The following CD300A variants were observed in gnomAD, a reference collection of about 807,000 sequenced individuals.
The protein encoded by CD300A is CMRF35-like molecule 8.
Under a neutral mutation model 33.6 loss-of-function variants are expected in CD300A, and 22 were observed. The observed-to-expected ratio is 0.66, with a 90% CI of 0.47 to 0.94. CD300A has a LOEUF of 0.94. Ranked by LOEUF, CD300A falls within the 40% of genes least tolerant of loss-of-function variation. CD300A has a pLI of 0.00. For synonymous variants in CD300A, 136 were observed against 148.1 expected, an observed-to-expected ratio of 0.92 and a Z score of 0.59; for missense variants, 326 against 360.5, an observed-to-expected ratio of 0.90 and a Z score of 0.77.
intron 1 of CD300A, 83 bp from the exon 2 acceptor site, chr17:74,473,453 A>C: frequency 7.5e-7 from 1 of 1,327,596 alleles, no homozygotes; most frequent in Non-Finnish European, 1.0e-6. Flanking sequence ...CCACACCCCC[A>C]GGGTCCATGC....
chr17:74,474,070 G>A (rs1158273428), intron 2 of CD300A, among the ~76,000 whole-genome samples, 196 bp downstream of exon 2: 1 of 152,090 alleles, frequency 6.6e-6, no homozygotes, highest in Non-Finnish European at 1.5e-5. Context: ...AGAAGGGAAG[G>A]GTCCAGTGAC....
intron 1 of CD300A, among the ~76,000 whole-genome samples, chr17:74,470,999 T>C (rs1906063468): frequency 6.6e-6 from 1 of 152,128 alleles, no homozygotes; most frequent in African/African-American, 2.4e-5. Flanking sequence ...CAGGCTGAAG[T>C]GCAGTGATGC....
At chr17:74,479,926 C>CT (rs923162596) in intron 4 of CD300A, among the ~76,000 whole-genome samples, 3 of 152,164 alleles carry the variant, frequency 2.0e-5, no homozygotes, top group Non-Finnish European at 4.4e-5. Context: ...CAGGCCTGTG[C>CT]TGGGCCCTGG....
rs1906257631 is a variant in CD300A, at chr17:74,473,651, AC to A, written c.158del (p.Pro53HisfsTer36). On this transcript the variant is annotated frameshift_variant, in exon 2 of 7. Transcript: ENST00000360141. LOFTEE classifies it high-confidence loss of function. ...RTLNKYWCRP[P>X]QIFLCDKIVE... ...CCCTCAACAAATACTGGTGCAGACC[AC>A]CACAGATTTTCCTATGTGACAAGAT... The A allele has an allele frequency of 6.2e-7, 1 of 1,614,228 alleles. No individual in the cohort carries two copies. Among genetic ancestry groups the A allele is most frequent in the South Asian group, 1.1e-5 (1 of 91,082 alleles).
intron 1 of CD300A, among the ~76,000 whole-genome samples, chr17:74,469,193 A>C (rs1905926889): frequency 6.6e-6 from 1 of 151,880 alleles, no homozygotes; most frequent in African/African-American, 2.4e-5. Flanking sequence ...GAAGGGAAAG[A>C]ATTTCTTAAT....
intron 3 of CD300A, among the ~76,000 whole-genome samples, chr17:74,477,163 C>CT (rs1451709870): frequency 6.6e-6 from 1 of 151,840 alleles, no homozygotes; most frequent in Non-Finnish European, 1.5e-5. Flanking sequence ...GCTCAGGAGT[C>CT]TGAGACCATC....
rs926201174 is a variant in CD300A at position 74,481,474 on chromosome 17, T to A, written c.666+148T>A. The A allele has an allele frequency of 2.3e-5, 17 of 741,020 alleles. No homozygotes were observed. The African/African-American group carries it at 3.0e-4, about 13-fold the overall frequency. The allele number at this position is 741,020 out of a possible 1,614,324, so 45.9% of individuals were successfully genotyped here. A position where few individuals can be genotyped will look rare whatever the true frequency, so the allele number is the denominator to read the frequency against. ...GGACGAATGATGCTGGGAGATGTGG[T>A]CACTAGGTCTTGTTCTGAGTCCTGG... On this transcript the variant is annotated intron_variant, in intron 5 of 6. Coordinates refer to ENST00000360141, the MANE Select transcript of CD300A (RefSeq NM_007261.4).
At chr17:74,466,508 A>G (rs1208039469), upstream of CD300A, 6 of 624,138 alleles carry the variant, frequency 9.6e-6, no homozygotes, top group Non-Finnish European at 1.7e-5. Flanking sequence ...TGCCGTTTCT[A>G]GGGAGTCTTA....
rs1907111586 is a variant in CD300A at position 74,484,280 on chromosome 17, A to G, written c.*154A>G. ...TTTCCCAGGCCATCCCTCTGTTGCC[A>G]TCAGCTTGATTGGCTTCCCCGAGGG... On this transcript the variant is annotated 3_prime_UTR_variant, in exon 7 of 7. Coordinates refer to ENST00000360141, the MANE Select transcript of CD300A (RefSeq NM_007261.4). 1 of 781,246 alleles carries G rather than the reference A, an allele frequency of 1.3e-6. No individual in the cohort carries two copies. The highest frequency in any genetic ancestry group is 1.9e-5 in the South Asian group (1 of 52,728). 48.4% of individuals were successfully genotyped at this position (781,246 alleles called of 1,614,324 possible).
chr17:74,477,893 A>G (rs1906583708), intron 4 of CD300A, among the ~76,000 whole-genome samples: 1 of 152,154 alleles, frequency 6.6e-6, no homozygotes, highest in African/African-American at 2.4e-5. Context: ...GCTTGATCCC[A>G]GGAATTCAAG....
At position 74,473,615 on chromosome 17, in the gene CD300A, G is replaced by A. The variant is rs1190559088; in HGVS notation, c.120G>A (p.Lys40=). The change falls in exon 2 of 7, where the codon AAG becomes AAA. Residue 40 remains lysine (K), a synonymous_variant. Transcript: ENST00000360141. ...TGAGTGTGCAGTGTCCCTATGAGAA[G>A]GAACACAGGACCCTCAACAAATACT... ...GSLSVQCPYE[K]EHRTLNKYWC... 3.7e-6 allele frequency: 6 copies of A among 1,614,100 alleles called. No individual in the cohort carries two copies. Among genetic ancestry groups the A allele is most frequent in the Non-Finnish European group, 5.1e-6 (6 of 1,180,048 alleles).
chr17:74,482,987 G>C (rs1907013094), intron 6 of CD300A, among the ~76,000 whole-genome samples: 1 of 151,878 alleles, frequency 6.6e-6, no homozygotes, highest in East Asian at 1.9e-4. Context: ...TGGGATTACA[G>C]TACTGAGCCA....
Position 74,480,410 on chromosome 17 carries a change from G to T in CD300A, c.629-879G>T, listed in dbSNP as rs1337943173. Among the ~76,000 whole-genome samples the T allele has an allele frequency of 6.6e-6, 1 of 152,176 alleles. No homozygotes were observed. Among genetic ancestry groups the T allele is most frequent in the Non-Finnish European group, 1.5e-5 (1 of 68,022 alleles). On this transcript the variant is annotated intron_variant, in intron 4 of 6. Coordinates refer to ENST00000360141, the MANE Select transcript of CD300A (RefSeq NM_007261.4). The surrounding 1 kb of genome is among the most constrained non-coding windows in gnomAD (Gnocchi z 4.2). ...CGGGCTCCTGGGGTGAAAGGGTTAGGGTGTACAGGGCTGTGCTCATAGGCA... is the reference window on the plus strand; with the variant it reads ...CGGGCTCCTGGGGTGAAAGGGTTAGTGTGTACAGGGCTGTGCTCATAGGCA...
intron 1 of CD300A, among the ~76,000 whole-genome samples, chr17:74,472,229 C>T (rs1272593373): frequency 7.5e-6 from 1 of 132,936 alleles, no homozygotes; most frequent in Non-Finnish European, 1.5e-5. Flanking sequence ...CAGAGCAAGA[C>T]TCCATCTCAA....
At chr17:74,481,251 T>C in intron 4 of CD300A, 38 bp from the exon 5 acceptor site, 2 of 1,608,874 alleles carry the variant, frequency 1.2e-6, no homozygotes, top group East Asian at 2.2e-5. Context: ...TGGCCATTGT[T>C]CCGGGATTCA....
intron 1 of CD300A, chr17:74,470,366 C>A: frequency 2.3e-6 from 1 of 428,256 alleles, no homozygotes; most frequent in Non-Finnish European, 3.1e-6. Context: ...TCCAAGATTT[C>A]AGAGAAGAGA....
intron 5 of CD300A, 108 bp from the exon 6 acceptor site, chr17:74,481,618 G>A (rs1389248203): frequency 6.3e-6 from 5 of 788,814 alleles, no homozygotes; most frequent in Middle Eastern, 3.3e-4. Flanking sequence ...GGGGAAGGTG[G>A]GGGCTGAGGT....
At position 74,477,520 on chromosome 17, in the gene CD300A, A is replaced by G; in HGVS notation, c.618A>G (p.Lys206=). Residue 206 remains lysine, a synonymous_variant, in exon 4 of 7, where the codon AAA becomes AAG. Coordinates refer to ENST00000360141, the MANE Select transcript of CD300A (RefSeq NM_007261.4). ...ASLLAWRMFQ[K]WIKAGDHSEL... ...TGCTAGCCTGGAGGATGTTTCAGAAATGGATCAAAGGTGAGTTGGCTCCCC... is the reference window on the plus strand; with the variant it reads ...TGCTAGCCTGGAGGATGTTTCAGAAGTGGATCAAAGGTGAGTTGGCTCCCC... The G allele has an allele frequency of 6.2e-7, 1 of 1,612,856 alleles. No homozygotes were observed. The highest frequency in any genetic ancestry group is 8.5e-7 in the Non-Finnish European group (1 of 1,179,676).
chr17:74,481,429 C>T (rs963189276), intron 5 of CD300A, 103 bp downstream of exon 5: 58 of 1,063,290 alleles, frequency 5.5e-5, no homozygotes, highest in Admixed American at 4.5e-4. Flanking sequence ...TTGGATGGAG[C>T]GGGGAGCTCA....
Sources: allele counts gnomAD v4.1 joint callset (sites outside exome capture counted in the v4.1 genomes callset), GRCh38; gene constraint gnomAD v4.1.1; non-coding constraint Gnocchi (gnomAD v3.1); transcripts MANE v1.5; gene names NCBI Gene and HGNC (gene_info 2026-07-23, HGNC 2026-07-21).